Variants in CNTLN observed in about 807,000 individuals in gnomAD.
CNTLN encodes the protein centlein, also known as centlein, centrosomal protein.
In CNTLN, 212 loss-of-function variants were observed where a neutral mutation model predicts 180.0. That is an observed-to-expected ratio of 1.18 (90% CI 1.05 to 1.32). CNTLN has a LOEUF of 1.32. CNTLN is among the 40% of genes most tolerant of loss of function. The pLI, the probability that CNTLN is intolerant of heterozygous loss-of-function variation, is 0.00. For missense variants in CNTLN, 2,095 were observed against 1,610.9 expected, an observed-to-expected ratio of 1.30 and a Z score of -5.14; for synonymous variants, 722 against 563.1, an observed-to-expected ratio of 1.28 and a Z score of -3.99.
intron 2 of CNTLN, among the ~76,000 whole-genome samples, chr9:17,153,865 T>C (rs775966193): frequency 1.3e-5 from 2 of 152,214 alleles, no homozygotes; most frequent in Non-Finnish European, 2.9e-5. Context: ...TTTATTCTTT[T>C]TTCTCTAATC....
intron 3 of CNTLN, among the ~76,000 whole-genome samples, chr9:17,234,631 C>A (rs922508433): frequency 2.6e-5 from 4 of 151,686 alleles, no homozygotes; most frequent in African/African-American, 7.3e-5. Context: ...GGATCAGCAC[C>A]AGTGATAGAT....
chr9:17,525,409 G>A, the CNTLN span, among the ~76,000 whole-genome samples: 1 of 152,092 alleles, frequency 6.6e-6, no homozygotes, highest in Non-Finnish European at 1.5e-5. Flanking sequence ...AGATAGAAAA[G>A]ATTTTAACTT....
chr9:17,154,725 ACT>A (rs1819138569), intron 2 of CNTLN, among the ~76,000 whole-genome samples: 1 of 152,150 alleles, frequency 6.6e-6, no homozygotes, highest in Non-Finnish European at 1.5e-5. Flanking sequence ...ACCAATCAGC[ACT>A]CTGTAAAAAC....
chr9:17,430,288 CTACT>C (rs1829339825), intron 18 of CNTLN, among the ~76,000 whole-genome samples: 1 of 151,942 alleles, frequency 6.6e-6, no homozygotes, highest in Non-Finnish European at 1.5e-5. Flanking sequence ...CTATAATAAA[CTACT>C]CTTTTCAATT....
rs117210374 is a variant in CNTLN, at chr9:17,373,627, C to G, written c.1987+6910C>G. ...ACATTCTTCACAGAAACAGAAAAAA[C>G]AATCCTAAAATTTATATAGAATAAA... On this transcript the variant is annotated intron_variant, in intron 13 of 25. Coordinates refer to ENST00000380647, the MANE Select transcript of CNTLN (RefSeq NM_017738.4). Among the ~76,000 whole-genome samples, 2,892 of 152,070 alleles carry G rather than the reference C, an allele frequency of 0.019. 199 individuals carry two copies. The East Asian group carries it at 0.26, about 14-fold the overall frequency.
chr9:17,387,292 T>C (rs1347604417), intron 13 of CNTLN, among the ~76,000 whole-genome samples: 1 of 152,196 alleles, frequency 6.6e-6, no homozygotes, highest in African/African-American at 2.4e-5. Context: ...CTAACACAGA[T>C]ATATATCCTT....
intron 6 of CNTLN, among the ~76,000 whole-genome samples, chr9:17,284,495 T>C (rs960423869): frequency 3.9e-5 from 6 of 152,234 alleles, no homozygotes; most frequent in African/African-American, 1.4e-4. Context: ...TGGGAGGGTG[T>C]ATGTGTCTAG....
chr9:17,325,567 A>ACACACACACACACACG (rs1563995774), intron 8 of CNTLN, among the ~76,000 whole-genome samples: 1 of 140,896 alleles, frequency 7.1e-6, no homozygotes, highest in African/African-American at 2.6e-5. Context: ...ACACACACAC[A>ACACACACACACACACG]CACACACACG....
intron 10 of CNTLN, among the ~76,000 whole-genome samples, chr9:17,338,775 G>T (rs1821253178): frequency 6.6e-6 from 1 of 152,108 alleles, no homozygotes; most frequent in South Asian, 2.1e-4. Context: ...TAGAAGAAGA[G>T]ATATAAATAG....
intron 11 of CNTLN, among the ~76,000 whole-genome samples, chr9:17,341,433 C>T (rs1222983261): frequency 6.6e-6 from 1 of 152,124 alleles, no homozygotes; most frequent in Non-Finnish European, 1.5e-5. Flanking sequence ...TACTATCCAT[C>T]AGTTTGTTCT....
At chr9:17,371,516 T>C (rs1392898251) in intron 13 of CNTLN, among the ~76,000 whole-genome samples, 3 of 152,168 alleles carry the variant, frequency 2.0e-5, no homozygotes, top group Admixed American at 6.5e-5. Context: ...AATTCAATGA[T>C]AGCTGCAGGC....
intron 2 of CNTLN, among the ~76,000 whole-genome samples, chr9:17,173,448 A>G (rs887881173): frequency 2.0e-5 from 3 of 152,148 alleles, no homozygotes; most frequent in South Asian, 2.1e-4. Flanking sequence ...TTTATGTAAA[A>G]CTTGTTTTCT....
intron 18 of CNTLN, among the ~76,000 whole-genome samples, chr9:17,440,345 G>A (rs577377959): frequency 3.0e-4 from 45 of 151,202 alleles, no homozygotes; most frequent in African/African-American, 7.5e-4. Context: ...AGGCCGAGGC[G>A]GGTGGATCAT....
chr9:17,159,936 A>G (rs748014673), intron 2 of CNTLN, among the ~76,000 whole-genome samples: 22 of 152,154 alleles, frequency 1.4e-4, no homozygotes, highest in Non-Finnish European at 2.5e-4. Context: ...GAGCTCTTCA[A>G]TCATCATCTC....
intron 14 of CNTLN, 30 bp downstream of exon 14, chr9:17,388,283 G>A (rs748292581): frequency 1.3e-5 from 19 of 1,424,190 alleles, no homozygotes; most frequent in Non-Finnish European, 1.8e-5. Flanking sequence ...ATTGAGCTGA[G>A]CAAGTTAAAT....
intron 25 of CNTLN, among the ~76,000 whole-genome samples, chr9:17,498,804 G>T (rs1277201628): frequency 6.6e-6 from 1 of 152,072 alleles, no homozygotes; most frequent in Non-Finnish European, 1.5e-5. Flanking sequence ...GCATAATGTT[G>T]GTTTGTTGTT....
the CNTLN span, among the ~76,000 whole-genome samples, chr9:17,511,662 A>T: frequency 7.1e-3 from 1,073 of 151,766 alleles, 6 homozygotes; most frequent in East Asian, 0.011. Flanking sequence ...ACACACACAC[A>T]CACACACACG....
chr9:17,445,784 G>C (rs975181963), intron 18 of CNTLN, among the ~76,000 whole-genome samples: 1 of 152,106 alleles, frequency 6.6e-6, no homozygotes, highest in East Asian at 1.9e-4. Flanking sequence ...ACCCGTAAAG[G>C]GTCTGTGCTG....
At position 17,273,823 on chromosome 9, in the gene CNTLN, C is replaced by G. The variant is rs1828111652; in HGVS notation, c.940C>G (p.Gln314Glu). Reference sequence around the variant, plus strand: ...TCTATCATTACAGTTGAGTAATAAACAGACTGAACTTATCCAGAAGGATAT... The same window carrying G: ...TCTATCATTACAGTTGAGTAATAAAGAGACTGAACTTATCCAGAAGGATAT... The part of the protein sequence containing the change: ...NALSLQLSNK[Q>E]TELIQKDMDI... Residue 314 changes from glutamine (Q) to glutamate (E), a missense_variant, in exon 6 of 26, where the codon CAG (glutamine) becomes GAG (glutamate). Coordinates refer to ENST00000380647, the MANE Select transcript of CNTLN (RefSeq NM_017738.4). 1 of 1,572,190 alleles carries G rather than the reference C, an allele frequency of 6.4e-7. No homozygotes were observed.
Sources: gnomAD v4.1 joint callset for allele counts (sites outside exome capture counted in the v4.1 genomes callset) on GRCh38, gnomAD v4.1.1 for gene constraint, MANE v1.5 for transcripts, NCBI Gene and HGNC (gene_info 2026-07-23, HGNC 2026-07-21) for gene names.